Variants in ZNF277 observed in about 807,000 individuals in gnomAD.
The protein encoded by ZNF277 is zinc finger protein 277, also known as nuclear receptor-interacting factor 4.
A neutral mutation model predicts 60.7 loss-of-function variants in ZNF277; 55 were observed. That is an observed-to-expected ratio of 0.91 (90% confidence interval 0.73 to 1.13). The LOEUF (loss-of-function observed/expected upper bound fraction) is 1.13, where lower values mean the gene tolerates loss of function less well. Among genes scored for constraint, ZNF277 ranks in the 50% most tolerant of loss-of-function variants. The probability of loss-of-function intolerance (pLI) is 0.00; values close to 1 mark genes in which losing one functional copy is unlikely to be tolerated. For missense variants in ZNF277, 510 were observed against 523.0 expected (o/e 0.98, Z 0.24); for synonymous variants, 178 against 179.3 (o/e 0.99, Z 0.06).
intron 1 of ZNF277, among the ~76,000 whole-genome samples, chr7:112,228,972 T>A (rs563869791): frequency 6.6e-6 from 1 of 152,332 alleles, no homozygotes; most frequent in Admixed American, 6.5e-5. Context: ...TAGGAGATTA[T>A]TTTACAAAGT....
chr7:112,233,309 G>T lies in ZNF277; in HGVS notation c.91+26502G>T, dbSNP rs187073622. 9.9e-5 allele frequency among the ~76,000 whole-genome samples: 15 copies of T among 152,264 alleles called. 1 individual carries two copies. Among genetic ancestry groups the T allele is most frequent in the African/African-American group, 3.1e-4 (13 of 41,524 alleles). ...CAGAAGCTAAGTCACCTCTGGTTCCGTCTTATTCTTCTGTGCCTGTTAACC... is the reference window on the plus strand; with the variant it reads ...CAGAAGCTAAGTCACCTCTGGTTCCTTCTTATTCTTCTGTGCCTGTTAACC... On this transcript the variant is annotated intron_variant, in intron 1 of 11. Transcript: ENST00000361822.
At chr7:112,206,927 T>C in intron 1 of ZNF277, 120 bp downstream of exon 1, 2 of 963,900 alleles carry the variant, frequency 2.1e-6, no homozygotes, top group Non-Finnish European at 3.0e-6. Context: ...TGGGTTCGAC[T>C]GGGCCCCACG....
At chr7:112,290,383 T>C (rs1041438261) in intron 2 of ZNF277, among the ~76,000 whole-genome samples, 1 of 152,180 alleles carries the variant, frequency 6.6e-6, no homozygotes, top group Non-Finnish European at 1.5e-5. Flanking sequence ...TATCCTAATA[T>C]GCATACGTGG....
chr7:112,281,655 A>G (rs1319469574), intron 1 of ZNF277, among the ~76,000 whole-genome samples: 1 of 152,186 alleles, frequency 6.6e-6, no homozygotes, highest in Non-Finnish European at 1.5e-5. Flanking sequence ...TCAGGCAGAG[A>G]AAGTTCCCCT....
At chr7:112,335,580 A>G (rs773974637) in intron 7 of ZNF277, among the ~76,000 whole-genome samples, 1 of 152,116 alleles carries the variant, frequency 6.6e-6, no homozygotes, top group Non-Finnish European at 1.5e-5. Context: ...ACAGTAACTC[A>G]TTCATTTAAT....
At chr7:112,296,912 ATTTTTTTTTTTTTTTT>A (rs1170078999) in intron 4 of ZNF277, among the ~76,000 whole-genome samples, 2 of 39,658 alleles carry the variant, frequency 5.0e-5, no homozygotes, top group Admixed American at 3.1e-4. Flanking sequence ...TTATTTATTT[ATTTTTTTTTTTTTTTT>A]TTTTTTTTTT....
rs1793193400 is a variant in ZNF277 at position 112,330,186 on chromosome 7, A to G, written c.771A>G (p.Glu257=). The G allele has an allele frequency of 1.2e-6, 2 of 1,612,926 alleles. No homozygotes were observed. The highest frequency in any genetic ancestry group is 1.3e-5 in the African/African-American group (1 of 74,932). Residue 257 remains glutamate, a synonymous_variant, in exon 7 of 12, where the codon GAA becomes GAG. Transcript: ENST00000361822. ...GTAAGATTAATCCTAAGAACAGAGA[A>G]TATGACAGATTTTATGTCATCAATT... ...QHRKINPKNR[E]YDRFYVINYL...
rs185478861 is a variant in ZNF277, at chr7:112,297,488, T to A, written c.465+1177T>A. Reference sequence around the variant, plus strand: ...GAAAAATAAATGCTATTTACCATAGTCATATAATTTAAGAAAGTCCCTGGA... The same window carrying A: ...GAAAAATAAATGCTATTTACCATAGACATATAATTTAAGAAAGTCCCTGGA... On this transcript the variant is annotated intron_variant, in intron 4 of 11. Transcript: ENST00000361822. Among the ~76,000 whole-genome samples the A allele has an allele frequency of 5.3e-4, 81 of 152,300 alleles. 1 individual carries two copies. Among genetic ancestry groups the A allele is most frequent in the Admixed American group, 2.5e-3 (39 of 15,300 alleles).
At chr7:112,268,327 C>T (rs1318755654) in intron 1 of ZNF277, among the ~76,000 whole-genome samples, 3 of 151,470 alleles carry the variant, frequency 2.0e-5, no homozygotes, top group Non-Finnish European at 4.4e-5. Context: ...AGTTTTTGAA[C>T]TGGAAAGCTG....
At position 112,327,764 on chromosome 7, in the gene ZNF277, G is replaced by C; in HGVS notation, c.605G>C (p.Gly202Ala). Residue 202 changes from glycine (G) to alanine (A), a missense_variant, in exon 6 of 12, where the codon GGA (glycine) becomes GCA (alanine). Physicochemically the swap from Gly to Ala is moderately conservative, Grantham distance 60. Coordinates refer to ENST00000361822, the MANE Select transcript of ZNF277 (RefSeq NM_021994.3). ...HMAREHAFNI[G>A]LPDNIVNCNE... ...GCCAGAGAACATGCTTTCAACATTG[G>C]ATTGCCAGACAACATTGTAAACTGC... 1 of 1,612,248 alleles carries C rather than the reference G, an allele frequency of 6.2e-7. No individual in the cohort carries two copies. The highest frequency in any genetic ancestry group is 8.5e-7 in the Non-Finnish European group (1 of 1,179,484).
At chr7:112,212,130 T>A (rs1253302169) in intron 1 of ZNF277, among the ~76,000 whole-genome samples, 2 of 152,246 alleles carry the variant, frequency 1.3e-5, no homozygotes, top group Admixed American at 1.3e-4. Context: ...TTTCAGTTTT[T>A]TAAAATAAAG....
At chr7:112,222,197 T>C (rs530670860) in intron 1 of ZNF277, among the ~76,000 whole-genome samples, 1 of 152,358 alleles carries the variant, frequency 6.6e-6, no homozygotes, top group Non-Finnish European at 1.5e-5. Context: ...ATTCAGACCT[T>C]GTAAAATGAG....
chr7:112,322,344 G>T (rs1055712844), intron 5 of ZNF277, among the ~76,000 whole-genome samples: 27 of 151,732 alleles, frequency 1.8e-4, no homozygotes, highest in Non-Finnish European at 1.6e-4. Context: ...CTGTAGCTGT[G>T]TTTATTTTTT....
At chr7:112,221,700 C>T (rs1822035909) in intron 1 of ZNF277, among the ~76,000 whole-genome samples, 1 of 152,152 alleles carries the variant, frequency 6.6e-6, no homozygotes, top group African/African-American at 2.4e-5. Context: ...CTTGCATGCA[C>T]AGTTCACAGT....
intron 7 of ZNF277, among the ~76,000 whole-genome samples, chr7:112,333,414 T>C (rs78032736): frequency 2.6e-4 from 40 of 152,322 alleles, no homozygotes; most frequent in African/African-American, 9.1e-4. Flanking sequence ...AAAACCACCA[T>C]GTAAGCACGT....
chr7:112,340,027 CTG>C, intron 10 of ZNF277, 142 bp downstream of exon 10: 2 of 752,906 alleles, frequency 2.7e-6, no homozygotes, highest in Non-Finnish European at 2.2e-6. Flanking sequence ...ACAGAACTCT[CTG>C]TGAAGCAGTG....
At chr7:112,260,347 T>C (rs1791415328) in intron 1 of ZNF277, among the ~76,000 whole-genome samples, 1 of 152,196 alleles carries the variant, frequency 6.6e-6, no homozygotes, top group Admixed American at 6.5e-5. Flanking sequence ...CAGTTTAGCT[T>C]TCATTGCTTT....
chr7:112,248,860 A>G (rs1200133924), intron 1 of ZNF277, among the ~76,000 whole-genome samples: 1 of 152,102 alleles, frequency 6.6e-6, no homozygotes, highest in Non-Finnish European at 1.5e-5. Context: ...TCCATCTTGC[A>G]CATGGGACAC....
rs372443735 is a variant in ZNF277 at position 112,330,209 on chromosome 7, A to G, written c.794A>G (p.Asn265Ser). Residue 265 changes from asparagine (N) to serine (S), a missense_variant, in exon 7 of 12, where the codon AAT (asparagine) becomes AGT (serine). Physicochemically the swap from Asn to Ser is conservative, Grantham distance 46 (BLOSUM62 1). Coordinates refer to ENST00000361822, the MANE Select transcript of ZNF277 (RefSeq NM_021994.3). ...NREYDRFYVI[N>S]YLELGKSWEE... ...GAATATGACAGATTTTATGTCATCAATTATTTGGTAAGGCTTTCTTTTCAT... is the reference window on the plus strand; with the variant it reads ...GAATATGACAGATTTTATGTCATCAGTTATTTGGTAAGGCTTTCTTTTCAT... 2.0e-5 allele frequency: 33 copies of G among 1,612,384 alleles called. No individual in the cohort carries two copies. Among genetic ancestry groups the G allele is most frequent in the African/African-American group, 4.0e-5 (3 of 74,908 alleles).
Sources: gnomAD v4.1 joint callset for allele counts (sites outside exome capture counted in the v4.1 genomes callset) on GRCh38, gnomAD v4.1.1 for gene constraint, MANE v1.5 for transcripts, NCBI Gene and HGNC (gene_info 2026-07-23, HGNC 2026-07-21) for gene names.